NECTIN1: variants seen among roughly 807,000 people sequenced by gnomAD.
NECTIN1 encodes nectin-1.
Under a neutral mutation model 48.0 loss-of-function variants are expected in NECTIN1, and 23 were observed. That is an observed-to-expected ratio of 0.48 (90% CI 0.34 to 0.68). The LOEUF (loss-of-function observed/expected upper bound fraction) is 0.68. NECTIN1 is among the 30% of genes least tolerant of loss of function. NECTIN1 has a pLI of 0.01. For synonymous variants in NECTIN1, 270 were observed against 288.9 expected (o/e 0.93, Z 0.66); for missense variants, 591 against 709.9 (o/e 0.83, Z 1.90).
At position 119,678,879 on chromosome 11, in the gene NECTIN1, G is replaced by T; in HGVS notation, c.80-114C>A. ...TAGCAGTCATTATTGTTTTTATTCC[G>T]ATTGTAAAAATATTAATTACTTGTT... On this transcript the variant is annotated intron_variant, in intron 1 of 5. Transcript: ENST00000264025. This position sits in a 1 kb window ranked among gnomAD's most constrained non-coding sequence, Gnocchi z 4.4. The T allele has an allele frequency of 1.3e-6, 1 of 741,622 alleles. No individual in the cohort carries two copies. Among genetic ancestry groups the T allele is most frequent in the South Asian group, 1.5e-5 (1 of 65,192 alleles). 45.9% of individuals were successfully genotyped at this position (741,622 alleles called of 1,614,324 possible). A position where few individuals can be genotyped will look rare whatever the true frequency, so the allele number is the denominator to read the frequency against.
In NECTIN1 at chr11:119,695,525, G is replaced by A. The variant is rs118029883; in HGVS notation, c.80-16760C>T. Among the ~76,000 whole-genome samples the A allele has an allele frequency of 8.3e-3, 1,268 of 152,272 alleles. 6 individuals are homozygous for A. Among genetic ancestry groups the A allele is most frequent in the Non-Finnish European group, 0.015 (1,004 of 68,024 alleles). On this transcript the variant is annotated intron_variant, in intron 1 of 5. Transcript: ENST00000264025. ...ACAGCCTGACACCCGGCACGCAGTA[G>A]GCCCTGGATCCAGGTCTGCTGGATG...
chr11:119,685,332 G>A (rs1035310493), intron 1 of NECTIN1, among the ~76,000 whole-genome samples: 3 of 152,244 alleles, frequency 2.0e-5, no homozygotes, highest in Non-Finnish European at 2.9e-5. Context: ...TGGAGCTGGC[G>A]CCCGGCGCCT....
chr11:119,670,794 G>C (rs953756966), intron 5 of NECTIN1, among the ~76,000 whole-genome samples: 1 of 151,858 alleles, frequency 6.6e-6, no homozygotes, highest in South Asian at 2.1e-4. Flanking sequence ...CTACAGGCAC[G>C]CACTGCCACA....
intron 1 of NECTIN1, among the ~76,000 whole-genome samples, chr11:119,688,506 C>T (rs1189233898): frequency 6.6e-6 from 1 of 152,158 alleles, no homozygotes; most frequent in Non-Finnish European, 1.5e-5. Context: ...GATCCCTGGC[C>T]TCTACCCAAG....
chr11:119,712,068 CA>C (rs1235858678), intron 1 of NECTIN1, among the ~76,000 whole-genome samples: 1 of 152,140 alleles, frequency 6.6e-6, no homozygotes, highest in Non-Finnish European at 1.5e-5. Flanking sequence ...GGGAAGAGCT[CA>C]GGGAGGGCTG....
rs1864911933 is a variant in NECTIN1 at position 119,674,435 on chromosome 11, T to C, written c.1003+724A>G. The C allele has an allele frequency of 5.7e-6, 9 of 1,577,434 alleles. No individual in the cohort carries two copies. The South Asian group carries it at 1.0e-4, about 18-fold the overall frequency. On this transcript the variant is annotated intron_variant, in intron 5 of 5. Transcript: ENST00000264025. ...CATTTATTGACAGACTGATCTGTGC[T>C]AGGTGCTTGACTTACATCACGTAGA... is the stretch of plus-strand genomic sequence containing the variant.
At chr11:119,655,930 C>G (rs1349849768) in intron 5 of NECTIN1, among the ~76,000 whole-genome samples, 2 of 152,194 alleles carry the variant, frequency 1.3e-5, no homozygotes, top group East Asian at 3.8e-4. Context: ...CAAGATCTCA[C>G]TCTGTCGCTT....
chr11:119,665,145 T>G lies in NECTIN1; in HGVS notation c.1156A>C (p.Lys386Gln), dbSNP rs759526300. 1 of 1,613,870 alleles carries G rather than the reference T, an allele frequency of 6.2e-7. No individual in the cohort carries two copies. The highest frequency in any genetic ancestry group is 8.5e-7 in the Non-Finnish European group (1 of 1,180,000). The change falls in exon 6 of 6, where the codon AAG becomes CAG. Residue 386 changes from lysine (K) to glutamine (Q), a missense_variant. Transcript: ENST00000264025. The surrounding 1 kb of genome is among the most constrained non-coding windows in gnomAD (Gnocchi z 5.1). Reference sequence around the variant, plus strand: ...TGCTTCTTGGTGCTGTAGTCACCCTTGAAGGTGTGCCGGCGCCGACGCAGG... The same window carrying G: ...TGCTTCTTGGTGCTGTAGTCACCCTGGAAGGTGTGCCGGCGCCGACGCAGG... Reference protein sequence around the residue: ...VALRRRRHTFKGDYSTKKHVY... With the variant: ...VALRRRRHTFQGDYSTKKHVY...
Position 119,661,616 on chromosome 11 carries a change from T to A in NECTIN1, c.*3131A>T, listed in dbSNP as rs1229936040. 1 of 985,726 alleles carries A rather than the reference T, an allele frequency of 1.0e-6. No homozygotes were observed. The highest frequency in any genetic ancestry group is 1.2e-6 in the Non-Finnish European group (1 of 829,954). The allele number at this position is 985,726 out of a possible 1,614,324, so 61.1% of individuals were successfully genotyped here. A position where few individuals can be genotyped will look rare whatever the true frequency, so the allele number is the denominator to read the frequency against. On this transcript the variant is annotated 3_prime_UTR_variant, in exon 6 of 6. Coordinates refer to ENST00000264025, the MANE Select transcript of NECTIN1 (RefSeq NM_002855.5). ...CACCCACCTAACACAATTCCCAATT[T>A]CTCTGCTCTGAGGAAGGCAGAAAAG... is the stretch of plus-strand genomic sequence containing the variant.
Position 119,683,932 on chromosome 11 carries a change from C to T in NECTIN1, c.80-5167G>A, listed in dbSNP as rs76816755. Among the ~76,000 whole-genome samples, 113 of 152,172 alleles carry T rather than the reference C, an allele frequency of 7.4e-4. No individual in the cohort carries two copies. In the East Asian group the frequency reaches 0.014, roughly 19 times the overall value. ...TGAGCCAGCATGACGGGCCTCAGGC[C>T]GGCCCCCTGAGACGTCACAGACCTG... On this transcript the variant is annotated intron_variant, in intron 1 of 5. Transcript: ENST00000264025. The surrounding 1 kb of genome is among the most constrained non-coding windows in gnomAD (Gnocchi z 4.0).
At chr11:119,657,739 A>AAATAATAAT (rs57059976), downstream of NECTIN1, among the ~76,000 whole-genome samples, 6,217 of 128,216 alleles carry the variant, frequency 0.048, 249 homozygotes, top group African/African-American at 0.086. Context: ...TGTCTCTATA[A>AAATAATAAT]AATAATAATA....
intron 1 of NECTIN1, among the ~76,000 whole-genome samples, chr11:119,719,883 G>A (rs1398274921): frequency 4.6e-5 from 7 of 152,310 alleles, no homozygotes; most frequent in Non-Finnish European, 1.0e-4. Flanking sequence ...CTTGCGGGGG[G>A]AGCGGGTCAT....
At chr11:119,638,133 C>G (rs775045438) in exon 8 of NECTIN1, 9 of 1,613,692 alleles carry the variant, frequency 5.6e-6, no homozygotes, top group Non-Finnish European at 6.8e-6. Flanking sequence ...GTTGTCCTTA[C>G]CGAGGGGTGG....
At chr11:119,648,183 A>G (rs1386684341) in intron 5 of NECTIN1, among the ~76,000 whole-genome samples, 1 of 135,300 alleles carries the variant, frequency 7.4e-6, no homozygotes, top group Non-Finnish European at 1.6e-5. Flanking sequence ...GGGTGGGGTG[A>G]TGGTGGTGGT....
intron 5 of NECTIN1, among the ~76,000 whole-genome samples, chr11:119,643,279 A>G (rs956468795): frequency 6.6e-6 from 1 of 152,172 alleles, no homozygotes; most frequent in Non-Finnish European, 1.5e-5. Context: ...AGGAGGAGAA[A>G]TTGGCCTCAA....
At chr11:119,671,895 G>A (rs985391666) in intron 5 of NECTIN1, among the ~76,000 whole-genome samples, 10 of 152,330 alleles carry the variant, frequency 6.6e-5, no homozygotes, top group East Asian at 3.9e-4. Flanking sequence ...AGAATGGCAC[G>A]TTGCCACGGC....
rs55667626 is a variant in NECTIN1, at chr11:119,648,400, G to A, written c.1004-8388C>T. On this transcript the variant is annotated intron_variant, in intron 5 of 7. Coordinates refer to the NECTIN1 transcript ENST00000341398. ...GATGGTGGTGGTGGTGGTGATGGTGGTGATGGTGATGGTGGTGGTGATGGT... is the reference window on the plus strand; with the variant it reads ...GATGGTGGTGGTGGTGGTGATGGTGATGATGGTGATGGTGGTGGTGATGGT... 1.0e-3 allele frequency among the ~76,000 whole-genome samples: 40 copies of A among 39,936 alleles called. 2 individuals are homozygous for A. The highest frequency in any genetic ancestry group is 1.6e-3 in the African/African-American group (12 of 7,312). 26.2% of individuals were successfully genotyped at this position (39,936 alleles called of 152,430 possible).
At chr11:119,711,389 C>CAA (rs35938500) in intron 1 of NECTIN1, among the ~76,000 whole-genome samples, 3,179 of 119,936 alleles carry the variant, frequency 0.027, 114 homozygotes, top group African/African-American at 0.088. Context: ...GACTCTGTTT[C>CAA]AAAAAAAAAA....
Position 119,728,555 on chromosome 11 carries a change from G to A in NECTIN1, c.-2C>T. ...GCCCGCAAGCCCCATCCGAGCCATC[G>A]GGGGCCGGGGGTCCGGCGAGAGGGG... is the stretch of plus-strand genomic sequence containing the variant. On this transcript the variant is annotated 5_prime_UTR_variant, in exon 1 of 6. Coordinates refer to ENST00000264025, the MANE Select transcript of NECTIN1 (RefSeq NM_002855.5). The A allele has an allele frequency of 6.4e-7, 1 of 1,571,670 alleles. No homozygotes were observed. Among genetic ancestry groups the A allele is most frequent in the Non-Finnish European group, 8.6e-7 (1 of 1,157,636 alleles).
Sources: allele counts gnomAD v4.1 joint callset (sites outside exome capture counted in the v4.1 genomes callset), GRCh38; gene constraint gnomAD v4.1.1; non-coding constraint Gnocchi (gnomAD v3.1); transcripts MANE v1.5; gene names NCBI Gene and HGNC (gene_info 2026-07-23, HGNC 2026-07-21).